RBFOX1: variants seen among roughly 807,000 people sequenced by gnomAD.
RBFOX1 encodes the protein RNA binding fox-1 homolog 1.
RBFOX1 carries 8 observed loss-of-function variants against 57.7 expected under a neutral mutation model. The observed-to-expected ratio is 0.14, with a 90% CI of 0.08 to 0.25. The LOEUF (loss-of-function observed/expected upper bound fraction) is 0.25. RBFOX1 is among the 10% of genes least tolerant of loss of function. The pLI is 1.00. For missense variants in RBFOX1, 611 were observed against 548.5 expected, an observed-to-expected ratio of 1.11 and a Z score of -1.14; for synonymous variants, 326 against 222.4, an observed-to-expected ratio of 1.47 and a Z score of -4.15.
intron 4 of RBFOX1, among the ~76,000 whole-genome samples, chr16:7,196,876 G>A (rs1032300289): frequency 6.6e-6 from 1 of 152,322 alleles, no homozygotes; most frequent in Admixed American, 6.5e-5. Context: ...GGAATTCTGA[G>A]CCAAAGGTAA....
chr16:7,662,158 C>T (rs1010200760), intron 12 of RBFOX1, among the ~76,000 whole-genome samples: 45 of 152,180 alleles, frequency 3.0e-4, no homozygotes, highest in Admixed American at 1.7e-3. Context: ...TTCTTCTCTC[C>T]GTCATTTACA....
chr16:6,422,886 C>G (rs1011931481), intron 2 of RBFOX1, among the ~76,000 whole-genome samples: 2 of 152,148 alleles, frequency 1.3e-5, no homozygotes, highest in African/African-American at 4.8e-5. Flanking sequence ...ATGCTTAGCT[C>G]CTACTTACAG....
intron 4 of RBFOX1, among the ~76,000 whole-genome samples, chr16:7,512,416 G>T (rs1335629031): frequency 6.6e-6 from 1 of 152,196 alleles, no homozygotes; most frequent in Non-Finnish European, 1.5e-5. Context: ...AATTCCATAG[G>T]AAGTACAATG....
intron 1 of RBFOX1, among the ~76,000 whole-genome samples, chr16:6,093,260 A>G (rs2096201938): frequency 6.6e-6 from 1 of 152,180 alleles, no homozygotes; most frequent in African/African-American, 2.4e-5. Context: ...TTATTATTCA[A>G]TAAAGAATAG....
At chr16:7,657,204 G>A (rs748877556) in intron 12 of RBFOX1, among the ~76,000 whole-genome samples, 1 of 152,090 alleles carries the variant, frequency 6.6e-6, no homozygotes, top group Non-Finnish European at 1.5e-5. Flanking sequence ...GATCTCCATG[G>A]CTACCTTTAT....
At chr16:5,285,289 A>C (rs2063365251) in intron 1 of RBFOX1, among the ~76,000 whole-genome samples, 1 of 152,094 alleles carries the variant, frequency 6.6e-6, no homozygotes, top group Admixed American at 6.6e-5. Flanking sequence ...CTTCTCTTCC[A>C]GGATTTGTGT....
At chr16:6,561,706 T>G (rs1262637807) in intron 2 of RBFOX1, among the ~76,000 whole-genome samples, 2 of 152,226 alleles carry the variant, frequency 1.3e-5, no homozygotes, top group East Asian at 1.9e-4. Flanking sequence ...GGAAGATTGC[T>G]AATGACACCA....
At chr16:6,685,276 T>TTC (rs1555690638) in intron 3 of RBFOX1, among the ~76,000 whole-genome samples, 2 of 102,186 alleles carry the variant, frequency 2.0e-5, no homozygotes, top group South Asian at 3.4e-4. Flanking sequence ...AGTTTTTCTT[T>TTC]TTTTTTTTTT....
At chr16:6,347,155 G>A (rs549142451) in intron 2 of RBFOX1, among the ~76,000 whole-genome samples, 1 of 152,232 alleles carries the variant, frequency 6.6e-6, no homozygotes, top group South Asian at 2.1e-4. Context: ...TTCCTGGAAT[G>A]GGCAATAAAG....
At chr16:7,500,512 T>A (rs532835865) in intron 4 of RBFOX1, among the ~76,000 whole-genome samples, 1 of 152,342 alleles carries the variant, frequency 6.6e-6, no homozygotes, top group South Asian at 2.1e-4. Flanking sequence ...TAGATATGCA[T>A]CATGCATCTA....
intron 2 of RBFOX1, among the ~76,000 whole-genome samples, chr16:6,354,447 A>T (rs2152853569): frequency 6.6e-6 from 1 of 152,094 alleles, no homozygotes; most frequent in East Asian, 1.9e-4. Context: ...CACAGCAGCG[A>T]AACCAGTGTT....
intron 4 of RBFOX1, among the ~76,000 whole-genome samples, chr16:7,060,734 A>C (rs997923684): frequency 6.6e-6 from 1 of 152,176 alleles, no homozygotes; most frequent in Non-Finnish European, 1.5e-5. Context: ...CCACGTATAC[A>C]TCCTGGTGCT....
intron 1 of RBFOX1, among the ~76,000 whole-genome samples, chr16:6,195,878 A>G (rs1456948251): frequency 6.6e-6 from 1 of 152,140 alleles, no homozygotes; most frequent in Non-Finnish European, 1.5e-5. Context: ...TGATTTAGGA[A>G]TCATGATCCT....
intron 2 of RBFOX1, among the ~76,000 whole-genome samples, chr16:6,511,804 C>G (rs189079415): frequency 9.2e-5 from 14 of 152,296 alleles, no homozygotes; most frequent in Admixed American, 2.6e-4. Flanking sequence ...TGGCTTTCCT[C>G]TTTGTAGAAG....
rs367610250 is a variant in RBFOX1, at chr16:5,440,817, G to T, written c.220-26399G>T. ...AGAATGAGATTCTCATGAGCTGGGA[G>T]GGATTCCCATGAGTTGGTCTTCTAG... On this transcript the variant is annotated intron_variant, in intron 1 of 2. Coordinates refer to the RBFOX1 transcript ENST00000585867. Among the ~76,000 whole-genome samples the T allele has an allele frequency of 1.6e-4, 25 of 152,284 alleles. No homozygotes were observed. The East Asian group carries it at 4.8e-3, about 29-fold the overall frequency.
At chr16:7,021,449 G>T (rs1276811242) in intron 3 of RBFOX1, among the ~76,000 whole-genome samples, 3 of 140,834 alleles carry the variant, frequency 2.1e-5, no homozygotes, top group African/African-American at 5.1e-5. Flanking sequence ...TTATATATCA[G>T]TATTAATTTT....
intron 3 of RBFOX1, among the ~76,000 whole-genome samples, chr16:6,744,941 A>T (rs1273455932): frequency 6.6e-6 from 1 of 152,076 alleles, no homozygotes; most frequent in Non-Finnish European, 1.5e-5. Context: ...ACTTTTAGCC[A>T]GGCTTAGTAA....
intron 2 of RBFOX1, among the ~76,000 whole-genome samples, chr16:6,454,055 T>C (rs1167344369): frequency 6.6e-6 from 1 of 152,212 alleles, no homozygotes; most frequent in Non-Finnish European, 1.5e-5. Context: ...ATGGTCTTTC[T>C]GTGTCTGTGT....
intron 3 of RBFOX1, among the ~76,000 whole-genome samples, chr16:6,874,697 T>C (rs759795443): frequency 6.6e-6 from 1 of 151,988 alleles, no homozygotes. Flanking sequence ...TACTAACATA[T>C]TCTCGCTTAT....
Sources: allele counts gnomAD v4.1 joint callset (sites outside exome capture counted in the v4.1 genomes callset), GRCh38; gene constraint gnomAD v4.1.1; transcripts MANE v1.5; gene names NCBI Gene and HGNC (gene_info 2026-07-23, HGNC 2026-07-21).